The following PRKCB variants were observed in gnomAD, a reference collection of about 807,000 sequenced individuals.
PRKCB encodes the protein protein kinase C beta type.
In PRKCB, 13 loss-of-function variants were observed where a neutral mutation model predicts 81.5. That is an observed-to-expected ratio of 0.16 (90% CI 0.10 to 0.25). The LOEUF (loss-of-function observed/expected upper bound fraction) is 0.25, where lower values mean the gene tolerates loss of function less well. PRKCB is among the 10% of genes least tolerant of loss of function. The pLI is 1.00. For missense variants in PRKCB, 509 were observed against 875.7 expected (o/e 0.58, Z 5.29); for synonymous variants, 335 against 321.4 (o/e 1.04, Z -0.45).
At chr16:24,128,233 G>A (rs992062773) in intron 9 of PRKCB, among the ~76,000 whole-genome samples, 7 of 152,132 alleles carry the variant, frequency 4.6e-5, no homozygotes, top group Admixed American at 2.0e-4. Flanking sequence ...AAATTAGCCG[G>A]GCATGGTGGC....
At chr16:23,991,353 A>C (rs376022107) in intron 3 of PRKCB, among the ~76,000 whole-genome samples, 1 of 152,202 alleles carries the variant, frequency 6.6e-6, no homozygotes, top group Admixed American at 6.5e-5. Context: ...ACTGTTTGTC[A>C]TGTTCTCTCA....
chr16:24,124,365 T>C (rs1417843672), intron 9 of PRKCB, among the ~76,000 whole-genome samples: 1 of 152,112 alleles, frequency 6.6e-6, no homozygotes, highest in Admixed American at 6.5e-5. Flanking sequence ...GAAGGAGGTA[T>C]AGGACGTGAT....
intron 5 of PRKCB, among the ~76,000 whole-genome samples, chr16:24,066,075 CTGTGTGTGTGTG>C (rs58216806): frequency 9.0e-4 from 126 of 139,688 alleles, no homozygotes; most frequent in African/African-American, 3.0e-3. Flanking sequence ...TGTGATGTTC[CTGTGTGTGTGTG>C]TGTGTGTGTG....
At chr16:23,981,388 A>C (rs1964700213) in intron 2 of PRKCB, among the ~76,000 whole-genome samples, 1 of 152,042 alleles carries the variant, frequency 6.6e-6, no homozygotes. Context: ...AATCTAGTAT[A>C]ACCCCCTTTC....
chr16:24,110,344 T>A (rs927703691), intron 7 of PRKCB, among the ~76,000 whole-genome samples: 16 of 151,650 alleles, frequency 1.1e-4, no homozygotes, highest in Admixed American at 9.2e-4. Context: ...CCCGAATAGC[T>A]GGGACTACGG....
Position 23,882,021 on chromosome 16 carries a change from T to TCTTTCTTTCTTCCTTCCTTCCTTCCTTC in PRKCB, c.205+44618_205+44619insTCTTTCTTCCTTCCTTCCTTCCTTCCTT. ...TTCTTTCTTTCTTTCTTTCTTTCTT[T>TCTTTCTTTCTTCCTTCCTTCCTTCCTTC]CTTCCTTCCTTCCTTCCTTCCTTCC... On this transcript the variant is annotated intron_variant, in intron 2 of 16. Coordinates refer to ENST00000643927, the MANE Select transcript of PRKCB (RefSeq NM_002738.7). Among the ~76,000 whole-genome samples the TCTTTCTTTCTTCCTTCCTTCCTTCCTTC allele has an allele frequency of 2.4e-3, 136 of 55,628 alleles. 13 individuals are homozygous for TCTTTCTTTCTTCCTTCCTTCCTTCCTTC. Among genetic ancestry groups the TCTTTCTTTCTTCCTTCCTTCCTTCCTTC allele is most frequent in the Non-Finnish European group, 3.4e-3 (93 of 27,276 alleles). The allele number at this position is 55,628 out of a possible 152,430, so 36.5% of individuals were successfully genotyped here.
chr16:24,042,386 T>A (rs80097506), intron 5 of PRKCB, among the ~76,000 whole-genome samples: 1 of 110,864 alleles, frequency 9.0e-6, no homozygotes, highest in African/African-American at 3.3e-5. Context: ...CACACACAGA[T>A]AGGGCCCAGT....
chr16:24,035,875 T>C (rs934743718), intron 5 of PRKCB, among the ~76,000 whole-genome samples: 3 of 152,210 alleles, frequency 2.0e-5, no homozygotes, highest in Admixed American at 2.0e-4. Context: ...TTTCCCACTC[T>C]TTTTTAGTAA....
chr16:24,009,280 A>G (rs1040156861), intron 3 of PRKCB, among the ~76,000 whole-genome samples: 1 of 152,240 alleles, frequency 6.6e-6, no homozygotes, highest in Non-Finnish European at 1.5e-5. Flanking sequence ...CACACGGGCT[A>G]AGGACTTGAA....
chr16:23,871,570 G>GT (rs906254992), intron 2 of PRKCB, among the ~76,000 whole-genome samples: 13 of 151,534 alleles, frequency 8.6e-5, no homozygotes, highest in Admixed American at 3.9e-4. Flanking sequence ...CCATCACCTT[G>GT]TTTTTTTTAT....
intron 2 of PRKCB, among the ~76,000 whole-genome samples, chr16:23,988,027 T>A (rs142607250): frequency 6.6e-6 from 1 of 152,338 alleles, no homozygotes; most frequent in East Asian, 1.9e-4. Flanking sequence ...TTTGGTGAGA[T>A]GGGGCATGAG....
rs990336281 is a variant in PRKCB at position 23,895,138 on chromosome 16, G to GT, written c.205+57739dup. On this transcript the variant is annotated intron_variant, in intron 2 of 16. Transcript: ENST00000643927. The stretch of plus-strand genomic sequence containing the variant: ...TTTGGTATACTTTCAAATGTGTTAT[G>GT]TTTTTTTAAGAATAAGCATTTAATT... Among the ~76,000 whole-genome samples, 6 of 151,932 alleles carry GT rather than the reference G, an allele frequency of 3.9e-5. No homozygotes were observed. The East Asian group carries it at 7.7e-4, about 20-fold the overall frequency.
At chr16:23,922,270 G>A (rs1963836447) in intron 2 of PRKCB, among the ~76,000 whole-genome samples, 1 of 152,196 alleles carries the variant, frequency 6.6e-6, no homozygotes, top group South Asian at 2.1e-4. Context: ...AGGAACCCAT[G>A]TTGAATTGAA....
At chr16:23,921,816 GCTATACC>G (rs1963829934) in intron 2 of PRKCB, among the ~76,000 whole-genome samples, 1 of 152,064 alleles carries the variant, frequency 6.6e-6, no homozygotes, top group Non-Finnish European at 1.5e-5. Context: ...AAAAAGATAT[GCTATACC>G]CTCATATCAC....
At chr16:23,872,273 A>G (rs1962917448) in intron 2 of PRKCB, among the ~76,000 whole-genome samples, 1 of 152,226 alleles carries the variant, frequency 6.6e-6, no homozygotes, top group South Asian at 2.1e-4. Context: ...GTGGAAATTC[A>G]CTTAGGCCAA....
intron 2 of PRKCB, among the ~76,000 whole-genome samples, chr16:23,864,808 G>T (rs1215583952): frequency 6.6e-6 from 1 of 152,090 alleles, no homozygotes; most frequent in East Asian, 1.9e-4. Flanking sequence ...TGATGCTAAG[G>T]TTAGGGTTTC....
chr16:24,117,058 A>G (rs532766545), intron 8 of PRKCB, among the ~76,000 whole-genome samples: 52 of 145,868 alleles, frequency 3.6e-4, no homozygotes, highest in Admixed American at 3.5e-3. Flanking sequence ...TAATCGCTGC[A>G]TACTGTACTT....
intron 2 of PRKCB, among the ~76,000 whole-genome samples, chr16:23,957,238 G>A (rs1964361544): frequency 6.6e-6 from 1 of 152,104 alleles, no homozygotes; most frequent in Non-Finnish European, 1.5e-5. Context: ...ATAAAGAAAA[G>A]AAAGTTTTAG....
chr16:24,006,840 G>GT (rs376290107), intron 3 of PRKCB, among the ~76,000 whole-genome samples: 19 of 137,994 alleles, frequency 1.4e-4, no homozygotes, highest in African/African-American at 3.9e-4. Context: ...GGAGCAGGGG[G>GT]TGGGGAGGGG....
Sources: gnomAD v4.1 joint callset for allele counts (sites outside exome capture counted in the v4.1 genomes callset) on GRCh38, gnomAD v4.1.1 for gene constraint, MANE v1.5 for transcripts, NCBI Gene and HGNC (gene_info 2026-07-23, HGNC 2026-07-21) for gene names.